The following RYR2 variants were observed in gnomAD, a reference collection of about 807,000 sequenced individuals.
RYR2 encodes cardiac muscle ryanodine receptor-calcium release channel.
A neutral mutation model predicts 601.1 loss-of-function variants in RYR2; 227 were observed. The observed-to-expected ratio is 0.38, with a 90% CI of 0.34 to 0.42. RYR2 has a LOEUF of 0.42. Among genes scored for constraint, RYR2 ranks in the 10% least tolerant of loss-of-function variants. The pLI is 1.00. For missense variants in RYR2, 4,646 were observed against 6,156.5 expected, an observed-to-expected ratio of 0.75 and a Z score of 8.21; for synonymous variants, 2,223 against 2,175.1, an observed-to-expected ratio of 1.02 and a Z score of -0.61.
At chr1:237,049,013 G>T (rs1660928914) in intron 1 of RYR2, among the ~76,000 whole-genome samples, 1 of 152,166 alleles carries the variant, frequency 6.6e-6, no homozygotes, top group Non-Finnish European at 1.5e-5. Flanking sequence ...GAGTGTTGGT[G>T]GGTGAAATTC....
Position 237,042,351 on chromosome 1 carries a change from CCTCCTCCTCCG to C in RYR2, c.-167_-157del, listed in dbSNP as rs1224072910. 2.0e-6 allele frequency: 1 copy of C among 488,942 alleles called. No homozygotes were observed. Among genetic ancestry groups the C allele is most frequent in the Non-Finnish European group, 3.0e-6 (1 of 338,332 alleles). 30.3% of individuals were successfully genotyped at this position (488,942 alleles called of 1,614,324 possible). The stretch of plus-strand genomic sequence containing the variant: ...GACCACCCGCGCCCGAGCGTCCGCG[CCTCCTCCTCCG>C]CTCTGCAGGCGGGGACCGCCCGGCG... On this transcript the variant is annotated 5_prime_UTR_variant, in exon 1 of 105. Transcript: ENST00000366574.
chr1:237,374,754 A>G lies in RYR2; in HGVS notation c.422A>G (p.Asp141Gly). Residue 141 changes from aspartate to glycine, a missense_variant, in exon 7 of 105, where the codon GAT becomes GGT. By Grantham distance (94) the Asp-to-Gly change is moderately conservative (BLOSUM62 -1). Around this residue, in one of 17 missense-constraint regions of RYR2, gnomAD observed 153 missense variants for 203.6 expected, o/e 0.75. Transcript: ENST00000366574. The part of the protein sequence containing the change: ...CCLSTSRSST[D>G]KLAFDVGLQE... ...CTGTCCACCTCCCGGTCTTCAACTG[A>G]TAAGCTGGCTTTTGATGTTGGCTTG... The G allele has an allele frequency of 6.2e-7, 1 of 1,613,212 alleles. No homozygotes were observed.
intron 29 of RYR2, among the ~76,000 whole-genome samples, chr1:237,587,979 A>C (rs1467122181): frequency 1.3e-5 from 2 of 152,202 alleles, no homozygotes; most frequent in African/African-American, 4.8e-5. Context: ...CTGTTAATGC[A>C]GTTCAAGCTG....
chr1:237,369,066 G>A (rs186673069), intron 5 of RYR2, among the ~76,000 whole-genome samples: 4 of 151,730 alleles, frequency 2.6e-5, no homozygotes, highest in South Asian at 4.2e-4. Context: ...TCAGGTAATC[G>A]CCCGCCTCGG....
At chr1:237,378,933 C>T (rs891732889) in intron 8 of RYR2, among the ~76,000 whole-genome samples, 7 of 152,122 alleles carry the variant, frequency 4.6e-5, no homozygotes, top group African/African-American at 1.7e-4. Context: ...TATAGGGAGA[C>T]CTGGAGCATT....
chr1:237,233,545 T>A (rs953185525), intron 1 of RYR2, among the ~76,000 whole-genome samples: 2 of 152,186 alleles, frequency 1.3e-5, no homozygotes, highest in African/African-American at 4.8e-5. Flanking sequence ...TTTTCTTGAG[T>A]GAATTCTGAT....
chr1:237,686,558 T>C (rs1487840917), intron 62 of RYR2, among the ~76,000 whole-genome samples: 2 of 151,772 alleles, frequency 1.3e-5, no homozygotes, highest in Non-Finnish European at 2.9e-5. Flanking sequence ...TGGAAATGAG[T>C]GAAGGGTATT....
intron 2 of RYR2, among the ~76,000 whole-genome samples, chr1:237,306,565 ATATTATTG>A (rs1166147765): frequency 6.6e-6 from 1 of 152,200 alleles, no homozygotes; most frequent in African/African-American, 2.4e-5. Flanking sequence ...GCTGTACTTT[ATATTATTG>A]ACATTTAAAT....
intron 1 of RYR2, among the ~76,000 whole-genome samples, chr1:237,103,171 T>C (rs187479257): frequency 6.6e-6 from 1 of 152,312 alleles, no homozygotes; most frequent in Admixed American, 6.5e-5. Context: ...CCAAGATAGA[T>C]GTGTCCATTG....
At chr1:237,247,512 C>A (rs1686978621) in intron 1 of RYR2, among the ~76,000 whole-genome samples, 2 of 152,128 alleles carry the variant, frequency 1.3e-5, no homozygotes, top group Non-Finnish European at 2.9e-5. Context: ...CTGAAAGGTG[C>A]TGGTGGGTTG....
chr1:237,061,295 CTATCTATCTATCT>C (rs1558164295), intron 1 of RYR2, among the ~76,000 whole-genome samples: 1 of 149,526 alleles, frequency 6.7e-6, no homozygotes, highest in Non-Finnish European at 1.5e-5. Context: ...ATCTATCTAT[CTATCTATCTATCT>C]ATCTATCTAT....
chr1:237,068,994 T>C (rs1218997322), intron 1 of RYR2, among the ~76,000 whole-genome samples: 1 of 152,178 alleles, frequency 6.6e-6, no homozygotes, highest in African/African-American at 2.4e-5. Context: ...AATTCCCTTT[T>C]TCAGAAAAGA....
intron 62 of RYR2, 87 bp from the exon 63 acceptor site, chr1:237,687,368 T>C: frequency 1.9e-6 from 1 of 534,042 alleles, no homozygotes; most frequent in Middle Eastern, 3.2e-4. Flanking sequence ...TTCTTCTTCT[T>C]TTTTTTTTTT....
chr1:237,778,463 G>A (rs1694838989), intron 87 of RYR2, among the ~76,000 whole-genome samples: 1 of 150,450 alleles, frequency 6.6e-6, no homozygotes, highest in Non-Finnish European at 1.5e-5. Flanking sequence ...TATATTAAAT[G>A]TTTTAAAGAG....
At chr1:237,259,915 T>G (rs1688359287) in intron 1 of RYR2, among the ~76,000 whole-genome samples, 1 of 152,186 alleles carries the variant, frequency 6.6e-6, no homozygotes, top group Non-Finnish European at 1.5e-5. Context: ...ATTAGGAATA[T>G]GAATCACTGT....
chr1:237,329,342 A>G (rs924919754), intron 2 of RYR2, among the ~76,000 whole-genome samples: 4 of 151,738 alleles, frequency 2.6e-5, no homozygotes, highest in African/African-American at 9.7e-5. Context: ...GCCTTTTTTT[A>G]TATTTAAAAA....
chr1:237,385,171 G>A (rs546106033), intron 8 of RYR2, among the ~76,000 whole-genome samples: 1 of 152,150 alleles, frequency 6.6e-6, no homozygotes, highest in East Asian at 1.9e-4. Context: ...TTACAGGCGT[G>A]AGCCACCATG....
In RYR2 at chr1:237,783,743, G is replaced by C. The variant is rs771155451; in HGVS notation, c.12031G>C (p.Glu4011Gln). Residue 4011 changes from glutamate to glutamine, a missense_variant, in exon 90 of 105, where the codon GAG (glutamate) becomes CAG (glutamine). Coordinates refer to ENST00000366574, the MANE Select transcript of RYR2 (RefSeq NM_001035.3). ...GCTTGTGGAATCTTCCAACAACGTG[G>C]AGATGATTCTCAAATTTTTTGACAT... The part of the protein sequence containing the change: ...DMLVESSNNV[E>Q]MILKFFDMFL... 6.2e-7 allele frequency: 1 copy of C among 1,612,754 alleles called. No individual in the cohort carries two copies. Among genetic ancestry groups the C allele is most frequent in the East Asian group, 2.2e-5 (1 of 44,806 alleles).
rs144740306 is a variant in RYR2 at position 237,191,675 on chromosome 1, C to G, written c.49-78822C>G. ...GTCTGTGAACAAATTGTCTCCAGCT[C>G]GAAATGATGAAAAGAATATTTTAAC... On this transcript the variant is annotated intron_variant, in intron 1 of 104. Transcript: ENST00000366574. Among the ~76,000 whole-genome samples, 280 of 151,974 alleles carry G rather than the reference C, an allele frequency of 1.8e-3. 1 individual carries two copies. The highest frequency in any genetic ancestry group is 3.1e-3 in the Non-Finnish European group (208 of 67,998).
Sources: gnomAD v4.1 joint callset for allele counts (sites outside exome capture counted in the v4.1 genomes callset) on GRCh38, gnomAD v4.1.1 for gene constraint, gnomAD v4.1.1 regional missense constraint, MANE v1.5 for transcripts, NCBI Gene and HGNC (gene_info 2026-07-23, HGNC 2026-07-21) for gene names.